SYN3: variants seen among roughly 807,000 people sequenced by gnomAD.
The protein encoded by SYN3 is synapsin-3.
SYN3 carries 35 observed loss-of-function variants against 65.8 expected under a neutral mutation model. The ratio of observed to expected loss-of-function variants is 0.53; its 90% CI spans 0.41 to 0.70. The LOEUF (loss-of-function observed/expected upper bound fraction) is 0.70. SYN3 is among the 30% of genes least tolerant of loss of function. The pLI is 0.00. For synonymous variants in SYN3, 270 were observed against 292.9 expected (o/e 0.92, Z 0.80); for missense variants, 680 against 749.0 (o/e 0.91, Z 1.08).
chr22:33,026,704 A>G (rs2053646079), intron 1 of SYN3, among the ~76,000 whole-genome samples: 1 of 151,528 alleles, frequency 6.6e-6, no homozygotes. Context: ...CAACTCCCCA[A>G]CTCCTAGTTC....
At chr22:32,786,754 T>C (rs537481556) in intron 6 of SYN3, among the ~76,000 whole-genome samples, 14 of 152,338 alleles carry the variant, frequency 9.2e-5, no homozygotes, top group African/African-American at 3.4e-4. Context: ...GGTAATTCTC[T>C]GAACTATTCC....
chr22:32,552,697 G>A (rs1193300772), intron 7 of SYN3, among the ~76,000 whole-genome samples: 1 of 152,084 alleles, frequency 6.6e-6, no homozygotes, highest in Non-Finnish European at 1.5e-5. Context: ...GAAAAAGCAC[G>A]AGGTGCCTAA....
chr22:32,518,157 G>T lies in SYN3; in HGVS notation c.1496C>A (p.Ala499Asp). 1 of 1,612,830 alleles carries T rather than the reference G, an allele frequency of 6.2e-7. No homozygotes were observed. Among genetic ancestry groups the T allele is most frequent in the Non-Finnish European group, 8.5e-7 (1 of 1,179,440 alleles). ...GGCGAGGGTGGCACCTGGCTTGGAG[G>T]CCTGGTTTGGGGAGCTGCCACTGGA... is the stretch of plus-strand genomic sequence containing the variant. ...RASSGSSPNQ[A>D]SKPGATLASQ... The change falls in exon 13 of 14, where the codon GCC (alanine) becomes GAC (aspartate). Residue 499 changes from alanine (A) to aspartate (D), a missense_variant. Coordinates refer to ENST00000358763, the MANE Select transcript of SYN3 (RefSeq NM_003490.4).
chr22:32,982,905 A>G (rs1341736301), intron 2 of SYN3, among the ~76,000 whole-genome samples: 3 of 152,184 alleles, frequency 2.0e-5, no homozygotes, highest in Non-Finnish European at 4.4e-5. Context: ...AGATGAAGAA[A>G]CTGAAACCCA....
intron 6 of SYN3, among the ~76,000 whole-genome samples, chr22:32,620,578 T>C (rs914061158): frequency 6.6e-6 from 1 of 152,140 alleles, no homozygotes; most frequent in Non-Finnish European, 1.5e-5. Flanking sequence ...AGTGGGTCAA[T>C]GGTTGTCTTA....
At chr22:32,945,014 ACAAACCAC>A (rs2051061365) in intron 3 of SYN3, among the ~76,000 whole-genome samples, 1 of 152,228 alleles carries the variant, frequency 6.6e-6, no homozygotes, top group African/African-American at 2.4e-5. Context: ...AAGGAGAACT[ACAAACCAC>A]TGCTCAACGA....
At chr22:32,833,982 C>T (rs2047655634) in intron 6 of SYN3, 2 of 461,624 alleles carry the variant, frequency 4.3e-6, no homozygotes, top group African/African-American at 2.0e-5. Context: ...TGACCATCCT[C>T]CTGCTTTCTG....
intron 6 of SYN3, among the ~76,000 whole-genome samples, chr22:32,626,763 C>T (rs986440016): frequency 3.3e-5 from 5 of 152,128 alleles, no homozygotes; most frequent in African/African-American, 9.7e-5. Context: ...CTGGGTGCCC[C>T]GAGTGTGGAG....
chr22:32,562,601 CCT>C (rs916328459), intron 7 of SYN3, among the ~76,000 whole-genome samples: 5 of 152,224 alleles, frequency 3.3e-5, no homozygotes, highest in Non-Finnish European at 5.9e-5. Context: ...GGCTCTGCCC[CCT>C]GTCAGCACTT....
chr22:32,802,472 AC>A (rs1419609749), intron 6 of SYN3, among the ~76,000 whole-genome samples: 1 of 151,942 alleles, frequency 6.6e-6, no homozygotes, highest in East Asian at 1.9e-4. Context: ...GGTTCCCAAA[AC>A]TTGGAATGCT....
chr22:32,963,201 G>A (rs1246491996), intron 3 of SYN3, among the ~76,000 whole-genome samples: 9 of 148,390 alleles, frequency 6.1e-5, no homozygotes, highest in East Asian at 5.9e-4. Context: ...CTCAGCCTCC[G>A]AGCAGCTAGG....
chr22:32,956,062 A>ATATATATATATAT (rs58485646), intron 3 of SYN3, among the ~76,000 whole-genome samples: 31 of 144,884 alleles, frequency 2.1e-4, no homozygotes, highest in Middle Eastern at 3.5e-3. Flanking sequence ...ATATATATAT[A>ATATATATATATAT]AAATCTCCTA....
At chr22:32,804,801 G>T (rs1023238486) in intron 6 of SYN3, among the ~76,000 whole-genome samples, 1 of 152,186 alleles carries the variant, frequency 6.6e-6, no homozygotes, top group Non-Finnish European at 1.5e-5. Context: ...GACACACTGT[G>T]GGGGAAAGAA....
chr22:32,616,373 C>G (rs2059520124), intron 6 of SYN3, among the ~76,000 whole-genome samples: 1 of 152,128 alleles, frequency 6.6e-6, no homozygotes. Flanking sequence ...TAAGGACGGA[C>G]ATGTCTCTGG....
At chr22:32,645,082 CAG>C (rs1296161198) in intron 6 of SYN3, among the ~76,000 whole-genome samples, 1 of 152,178 alleles carries the variant, frequency 6.6e-6, no homozygotes, top group Non-Finnish European at 1.5e-5. Flanking sequence ...AGAGAGGACT[CAG>C]AGGTGAAACT....
At chr22:32,901,515 C>T (rs1419986213) in intron 4 of SYN3, among the ~76,000 whole-genome samples, 5 of 152,226 alleles carry the variant, frequency 3.3e-5, no homozygotes, top group South Asian at 2.1e-4. Context: ...GCACAGCTCA[C>T]AGTCATCCTG....
chr22:32,648,512 C>T (rs368099760), intron 6 of SYN3, among the ~76,000 whole-genome samples: 2 of 152,038 alleles, frequency 1.3e-5, no homozygotes, highest in Admixed American at 6.6e-5. Context: ...TTGGGAAACC[C>T]GGACTTAAAG....
Position 32,816,135 on chromosome 22 carries a change from T to G in SYN3, c.711+48780A>C, listed in dbSNP as rs8136323. 6.2e-3 allele frequency among the ~76,000 whole-genome samples: 943 copies of G among 152,258 alleles called. 11 individuals are homozygous for G. Among genetic ancestry groups the G allele is most frequent in the African/African-American group, 0.022 (896 of 41,548 alleles). On this transcript the variant is annotated intron_variant, in intron 6 of 13. Transcript: ENST00000358763. ...AAGTTAAGCAGGGTGGGAAGAACAC[T>G]TGTCCATTCCGCCTTCCCAGTTGGG...
intron 7 of SYN3, among the ~76,000 whole-genome samples, chr22:32,573,749 C>T (rs1344742291): frequency 6.9e-6 from 1 of 144,354 alleles, no homozygotes; most frequent in African/African-American, 2.6e-5. Flanking sequence ...GGAAAACTCA[C>T]AGGGGAAGGA....
Sources: gnomAD v4.1 joint callset for allele counts (sites outside exome capture counted in the v4.1 genomes callset) on GRCh38, gnomAD v4.1.1 for gene constraint, MANE v1.5 for transcripts, NCBI Gene and HGNC (gene_info 2026-07-23, HGNC 2026-07-21) for gene names.